Variants in CFAP299 observed in about 807,000 individuals in gnomAD.
The protein encoded by CFAP299 is cilia- and flagella-associated protein 299.
A neutral mutation model predicts 27.0 loss-of-function variants in CFAP299; 21 were observed. That is an observed-to-expected ratio of 0.78 (90% CI 0.55 to 1.12). The LOEUF is 1.12. Ranked by LOEUF, CFAP299 falls within the 50% of genes most tolerant of loss-of-function variation. CFAP299 has a pLI of 0.00. For missense variants in CFAP299, 310 were observed against 276.6 expected, an observed-to-expected ratio of 1.12 and a Z score of -0.86; for synonymous variants, 104 against 98.1, an observed-to-expected ratio of 1.06 and a Z score of -0.36.
chr4:80,740,939 G>C (rs1045122910), intron 3 of CFAP299, among the ~76,000 whole-genome samples: 1 of 152,164 alleles, frequency 6.6e-6, no homozygotes, highest in Non-Finnish European at 1.5e-5. Flanking sequence ...CTTCAGGGCT[G>C]TCAGGTCCCC....
At chr4:80,522,001 A>T (rs1732938785) in intron 2 of CFAP299, among the ~76,000 whole-genome samples, 1 of 151,974 alleles carries the variant, frequency 6.6e-6, no homozygotes, top group Non-Finnish European at 1.5e-5. Context: ...TTGTTGCATC[A>T]TATGATAGTT....
chr4:80,327,642 G>A, the CFAP299 span, among the ~76,000 whole-genome samples: 5 of 59,414 alleles, frequency 8.4e-5, no homozygotes, highest in East Asian at 2.4e-3. Flanking sequence ...TAGTAAAAAT[G>A]GAAAGCAGTG....
chr4:80,364,821 T>C (rs1723738712), intron 2 of CFAP299, among the ~76,000 whole-genome samples: 1 of 152,214 alleles, frequency 6.6e-6, no homozygotes, highest in Admixed American at 6.5e-5. Flanking sequence ...TGTGTTCTCA[T>C]CATTCAGCTC....
chr4:80,610,503 T>C (rs1406673124), intron 3 of CFAP299, among the ~76,000 whole-genome samples: 1 of 152,124 alleles, frequency 6.6e-6, no homozygotes, highest in Non-Finnish European at 1.5e-5. Flanking sequence ...TTTCTCAGGT[T>C]ATAGTAATTC....
intron 3 of CFAP299, among the ~76,000 whole-genome samples, chr4:80,594,451 A>G (rs1560645078): frequency 1.3e-5 from 2 of 152,204 alleles, no homozygotes; most frequent in Non-Finnish European, 2.9e-5. Context: ...GGGTGGGGAC[A>G]CAAAGCCAAA....
At chr4:80,600,559 T>TA (rs1737286976) in intron 3 of CFAP299, among the ~76,000 whole-genome samples, 1 of 152,180 alleles carries the variant, frequency 6.6e-6, no homozygotes, top group Non-Finnish European at 1.5e-5. Flanking sequence ...AGCTTTGTCT[T>TA]ACAGTCTTTA....
chr4:80,827,758 A>G (rs1179925553), intron 3 of CFAP299, among the ~76,000 whole-genome samples: 2 of 151,954 alleles, frequency 1.3e-5, no homozygotes, highest in Non-Finnish European at 2.9e-5. Context: ...GAGGAATAAA[A>G]TTATCTCTGC....
intron 4 of CFAP299, among the ~76,000 whole-genome samples, chr4:80,912,186 A>C (rs1735506246): frequency 6.6e-6 from 1 of 152,202 alleles, no homozygotes; most frequent in South Asian, 2.1e-4. Flanking sequence ...ATAGAAAGCT[A>C]GGTGCAATGA....
intron 3 of CFAP299, among the ~76,000 whole-genome samples, chr4:80,603,477 T>C (rs1045375881): frequency 3.9e-5 from 6 of 152,164 alleles, no homozygotes; most frequent in Non-Finnish European, 5.9e-5. Flanking sequence ...TAGCTATCGC[T>C]GAGTGCTGAG....
chr4:80,450,671 A>T (rs1301156357), intron 2 of CFAP299, among the ~76,000 whole-genome samples: 1 of 151,902 alleles, frequency 6.6e-6, no homozygotes, highest in Non-Finnish European at 1.5e-5. Flanking sequence ...AGTATTTCTG[A>T]ATATTTGAGA....
chr4:80,954,616 G>A (rs1217220809), intron 5 of CFAP299, among the ~76,000 whole-genome samples: 2 of 152,066 alleles, frequency 1.3e-5, no homozygotes, highest in Non-Finnish European at 2.9e-5. Flanking sequence ...GCCCCAACTT[G>A]GCAGGTCAGA....
chr4:80,733,486 T>A (rs934906787), intron 3 of CFAP299, among the ~76,000 whole-genome samples: 2 of 152,130 alleles, frequency 1.3e-5, no homozygotes, highest in Non-Finnish European at 2.9e-5. Context: ...TCTTTTAGTT[T>A]TAAAATGTGC....
chr4:80,452,357 T>C (rs1164338235), intron 2 of CFAP299, among the ~76,000 whole-genome samples: 2 of 151,466 alleles, frequency 1.3e-5, no homozygotes, highest in Middle Eastern at 3.4e-3. Flanking sequence ...CCATAAATTA[T>C]AGGACATGAG....
At chr4:80,886,816 A>G (rs1157886395) in intron 4 of CFAP299, among the ~76,000 whole-genome samples, 1 of 152,152 alleles carries the variant, frequency 6.6e-6, no homozygotes, top group South Asian at 2.1e-4. Context: ...AGAAAACTCG[A>G]AGAAATTCAA....
chr4:80,923,365 C>T (rs776036538), intron 4 of CFAP299, among the ~76,000 whole-genome samples: 149 of 152,126 alleles, frequency 9.8e-4, no homozygotes, highest in Non-Finnish European at 1.1e-3. Context: ...CTTTCATTGT[C>T]GTCTCTTAGT....
intron 4 of CFAP299, among the ~76,000 whole-genome samples, chr4:80,916,589 A>G (rs968952627): frequency 4.6e-5 from 7 of 151,962 alleles, no homozygotes; most frequent in Admixed American, 6.6e-5. Context: ...TCTGGCTGAT[A>G]GGAAACTTGA....
At chr4:80,626,030 A>G (rs13119535) in intron 3 of CFAP299, among the ~76,000 whole-genome samples, 3,801 of 152,074 alleles carry the variant, frequency 0.025, 73 homozygotes, top group Middle Eastern at 0.062. Flanking sequence ...AATCTAGATC[A>G]AGTGGACATA....
At chr4:80,570,288 A>G (rs1735520457) in intron 2 of CFAP299, among the ~76,000 whole-genome samples, 1 of 152,034 alleles carries the variant, frequency 6.6e-6, no homozygotes, top group African/African-American at 2.4e-5. Context: ...ATATATTGGT[A>G]TATATTCAAA....
chr4:80,460,702 A>G (rs528473843), intron 2 of CFAP299, among the ~76,000 whole-genome samples: 2 of 152,224 alleles, frequency 1.3e-5, no homozygotes, highest in Admixed American at 6.5e-5. Flanking sequence ...AACCAAAGAT[A>G]AATCCAATTC....
Sources: gnomAD v4.1 joint callset for allele counts (sites outside exome capture counted in the v4.1 genomes callset) on GRCh38, gnomAD v4.1.1 for gene constraint, MANE v1.5 for transcripts, NCBI Gene and HGNC (gene_info 2026-07-23, HGNC 2026-07-21) for gene names.